SNCAIP: variants seen among roughly 807,000 people sequenced by gnomAD.
The protein encoded by SNCAIP is synuclein alpha interacting protein.
A neutral mutation model predicts 86.7 loss-of-function variants in SNCAIP; 43 were observed. That is an observed-to-expected ratio of 0.50 (90% CI 0.39 to 0.64). The LOEUF is 0.64. SNCAIP is among the 30% of genes least tolerant of loss of function. SNCAIP has a pLI of 0.00. For missense variants in SNCAIP, 981 were observed against 1,103.1 expected (o/e 0.89, Z 1.57); for synonymous variants, 417 against 427.2 (o/e 0.98, Z 0.29).
chr5:122,342,674 C>G (rs1757821471), intron 1 of SNCAIP, among the ~76,000 whole-genome samples: 1 of 152,162 alleles, frequency 6.6e-6, no homozygotes, highest in Non-Finnish European at 1.5e-5. Flanking sequence ...CTTCAGGTAA[C>G]TGGTGGTTAA....
intron 3 of SNCAIP, among the ~76,000 whole-genome samples, chr5:122,407,666 G>T (rs1380128780): frequency 6.6e-5 from 10 of 152,076 alleles, no homozygotes; most frequent in African/African-American, 2.4e-4. Flanking sequence ...TGGATAAAAG[G>T]TCTACAGCTA....
chr5:122,374,220 G>A (rs983202298), intron 1 of SNCAIP, among the ~76,000 whole-genome samples: 11 of 152,096 alleles, frequency 7.2e-5, no homozygotes, highest in Admixed American at 3.3e-4. Flanking sequence ...TCCTTAGAGG[G>A]GCCAAGTTCA....
chr5:122,345,887 G>A (rs1005610600), intron 1 of SNCAIP, among the ~76,000 whole-genome samples: 8 of 151,760 alleles, frequency 5.3e-5, no homozygotes, highest in African/African-American at 1.7e-4. Context: ...ACCTGACTTC[G>A]AGCAACCCTC....
intron 1 of SNCAIP, among the ~76,000 whole-genome samples, chr5:122,328,987 A>G (rs886720809): frequency 6.6e-6 from 1 of 152,140 alleles, no homozygotes; most frequent in Non-Finnish European, 1.5e-5. Context: ...GCCGTTACTC[A>G]AGTTGGGGTA....
At chr5:122,452,140 A>C (rs1783826447) in intron 10 of SNCAIP, among the ~76,000 whole-genome samples, 2 of 151,948 alleles carry the variant, frequency 1.3e-5, no homozygotes, top group Admixed American at 6.6e-5. Context: ...TACAACACAG[A>C]CTCCTAAGTG....
chr5:122,432,170 A>C lies in SNCAIP; in HGVS notation c.1296+88A>C, dbSNP rs1581211861. The C allele has an allele frequency of 9.7e-6, 7 of 723,838 alleles. No individual in the cohort carries two copies. In the East Asian group the frequency reaches 1.3e-4, roughly 14 times the overall value. 44.8% of individuals were successfully genotyped at this position (723,838 alleles called of 1,614,324 possible). A position where few individuals can be genotyped will look rare whatever the true frequency, so the allele number is the denominator to read the frequency against. On this transcript the variant is annotated intron_variant, in intron 6 of 10. Coordinates refer to ENST00000261368, the MANE Select transcript of SNCAIP (RefSeq NM_005460.4). ...TATTAGTCCATCAAAATCCAAACATAAGAAATCATCAAAAATGTATCCAAA... is the reference window on the plus strand; with the variant it reads ...TATTAGTCCATCAAAATCCAAACATCAGAAATCATCAAAAATGTATCCAAA...
At chr5:122,452,900 A>T in intron 10 of SNCAIP, 4 of 1,482,216 alleles carry the variant, frequency 2.7e-6, no homozygotes, top group Non-Finnish European at 3.7e-6. Context: ...ATGTTTTCAG[A>T]TGATTTTTAA....
intron 2 of SNCAIP, among the ~76,000 whole-genome samples, chr5:122,392,338 G>C (rs1468170437): frequency 1.3e-5 from 2 of 151,890 alleles, no homozygotes; most frequent in African/African-American, 4.8e-5. Context: ...AAACCAATGT[G>C]GAGTGAGCTT....
intron 2 of SNCAIP, among the ~76,000 whole-genome samples, chr5:122,398,707 G>C (rs565302132): frequency 6.6e-6 from 1 of 152,226 alleles, no homozygotes; most frequent in African/African-American, 2.4e-5. Flanking sequence ...AGGTGCTTGG[G>C]ATGTTCGTTC....
intron 3 of SNCAIP, among the ~76,000 whole-genome samples, chr5:122,408,290 C>A (rs1773421966): frequency 6.6e-6 from 1 of 152,190 alleles, no homozygotes; most frequent in Non-Finnish European, 1.5e-5. Context: ...GCCGTCCATT[C>A]TGCCTGCTTC....
intron 1 of SNCAIP, chr5:122,323,309 T>G (rs1753358226): frequency 6.6e-6 from 1 of 152,244 alleles, no homozygotes; most frequent in African/African-American, 2.4e-5. Context: ...TTAATTAAGT[T>G]GAGTACTCAC....
chr5:122,342,344 C>T (rs987991858), intron 1 of SNCAIP, among the ~76,000 whole-genome samples: 2 of 151,918 alleles, frequency 1.3e-5, no homozygotes, highest in Non-Finnish European at 2.9e-5. Context: ...TCCCAGGGCA[C>T]GGGTCCTCAG....
In SNCAIP at chr5:122,423,307, A is replaced by G. The variant is rs769891324; in HGVS notation, c.570A>G (p.Lys190=). ...CAACCATCAATGGCCTTTCTGGCAA[A>G]GCCTGCTCTACAGGAAGTTCTGAGA... ...LCTTINGLSG[K]ACSTGSSESS... The change falls in exon 4 of 11, where the codon AAA becomes AAG. Residue 190 remains lysine, a synonymous_variant. Coordinates refer to ENST00000261368, the MANE Select transcript of SNCAIP (RefSeq NM_005460.4). 1.2e-6 allele frequency: 2 copies of G among 1,614,104 alleles called. No individual in the cohort carries two copies.
intron 10 of SNCAIP, among the ~76,000 whole-genome samples, chr5:122,461,203 A>G (rs1255044336): frequency 6.6e-6 from 1 of 152,038 alleles, no homozygotes; most frequent in Non-Finnish European, 1.5e-5. Context: ...TTTGCTTCTA[A>G]TGTGTCTGTT....
At chr5:122,334,931 A>T (rs2152705846) in intron 1 of SNCAIP, among the ~76,000 whole-genome samples, 1 of 152,268 alleles carries the variant, frequency 6.6e-6, no homozygotes, top group Admixed American at 6.5e-5. Context: ...TGGGGACTAC[A>T]GGTTTCAGGA....
At chr5:122,452,542 T>A (rs1261775680) in intron 10 of SNCAIP, among the ~76,000 whole-genome samples, 1 of 152,232 alleles carries the variant, frequency 6.6e-6, no homozygotes, top group Non-Finnish European at 1.5e-5. Flanking sequence ...AATCAAGTTT[T>A]AGTGAGTATT....
chr5:122,324,310 C>A (rs1351772952), intron 1 of SNCAIP, among the ~76,000 whole-genome samples: 5 of 152,170 alleles, frequency 3.3e-5, no homozygotes, highest in African/African-American at 1.2e-4. Flanking sequence ...AGGGAAGGGT[C>A]CTGCTGGGGA....
chr5:122,360,438 A>G (rs1457748382), intron 1 of SNCAIP, among the ~76,000 whole-genome samples: 1 of 152,102 alleles, frequency 6.6e-6, no homozygotes, highest in African/African-American at 2.4e-5. Flanking sequence ...TGAACTGAAA[A>G]CCAATGGTTC....
chr5:122,423,179 C>A lies in SNCAIP; in HGVS notation c.442C>A (p.Leu148Ile). ...TSLGELEHYD[L>I]DMDEILDVPY... ...GCTGGGTGAACTGGAGCACTACGAC[C>A]TCGACATGGATGAGATTCTGGATGT... The change falls in exon 4 of 11, where the codon CTC (leucine) becomes ATC (isoleucine). Residue 148 changes from leucine to isoleucine, a missense_variant. Coordinates refer to ENST00000261368, the MANE Select transcript of SNCAIP (RefSeq NM_005460.4). The A allele has an allele frequency of 6.2e-7, 1 of 1,614,140 alleles. No homozygotes were observed. Among genetic ancestry groups the A allele is most frequent in the Non-Finnish European group, 8.5e-7 (1 of 1,180,010 alleles).
Sources: gnomAD v4.1 joint callset for allele counts (sites outside exome capture counted in the v4.1 genomes callset) on GRCh38, gnomAD v4.1.1 for gene constraint, MANE v1.5 for transcripts, NCBI Gene and HGNC (gene_info 2026-07-23, HGNC 2026-07-21) for gene names.